PTPRD: variants seen among roughly 807,000 people sequenced by gnomAD.
The protein encoded by PTPRD is receptor-type tyrosine-protein phosphatase delta.
In PTPRD, 34 loss-of-function variants were observed where a neutral mutation model predicts 214.5. The observed-to-expected ratio is 0.16, with a 90% CI of 0.12 to 0.21. PTPRD has a LOEUF of 0.21. Among genes scored for constraint, PTPRD ranks in the 10% least tolerant of loss-of-function variants. PTPRD has a pLI of 1.00. For synonymous variants in PTPRD, 1,128 were observed against 845.7 expected, an observed-to-expected ratio of 1.33 and a Z score of -5.79; for missense variants, 2,545 against 2,398.7, an observed-to-expected ratio of 1.06 and a Z score of -1.27.
At chr9:9,694,525 T>C (rs1247237426) in intron 7 of PTPRD, among the ~76,000 whole-genome samples, 7 of 152,066 alleles carry the variant, frequency 4.6e-5, no homozygotes, top group Non-Finnish European at 8.8e-5. Flanking sequence ...AGCAGAGTAC[T>C]GGGCCTTGTC....
chr9:9,646,174 T>C (rs2096157204), intron 7 of PTPRD, among the ~76,000 whole-genome samples: 1 of 152,220 alleles, frequency 6.6e-6, no homozygotes, highest in Admixed American at 6.5e-5. Flanking sequence ...GTTTGTTTTT[T>C]GAGGGTCTGT....
At chr9:9,166,361 C>T (rs1302203924) in intron 10 of PTPRD, among the ~76,000 whole-genome samples, 1 of 152,058 alleles carries the variant, frequency 6.6e-6, no homozygotes, top group Admixed American at 6.6e-5. Flanking sequence ...GGAGAAACTC[C>T]TTCCACTCCA....
At chr9:8,449,574 T>C (rs937596690) in intron 34 of PTPRD, 151 bp downstream of exon 34, 2 of 663,654 alleles carry the variant, frequency 3.0e-6, no homozygotes, top group African/African-American at 3.7e-5. Context: ...TTTCAGACTT[T>C]TGCTTGGGCA....
intron 2 of PTPRD, among the ~76,000 whole-genome samples, chr9:10,476,578 G>C (rs1408643507): frequency 6.6e-6 from 1 of 152,074 alleles, no homozygotes; most frequent in Non-Finnish European, 1.5e-5. Flanking sequence ...GTAATTTATA[G>C]ATTCTATGCT....
At chr9:8,940,982 C>G (rs149557761) in intron 11 of PTPRD, among the ~76,000 whole-genome samples, 1 of 152,054 alleles carries the variant, frequency 6.6e-6, no homozygotes, top group African/African-American at 2.4e-5. Context: ...TGCTTATAGA[C>G]TAAAGGCATG....
chr9:9,738,129 C>A lies in PTPRD; in HGVS notation c.-325-3558G>T, dbSNP rs571980423. ...AGGTGGGGGGATGGGGGAGGGATAG[C>A]ATTAGGAGATATACCTAATGTTAAA... On this transcript the variant is annotated intron_variant, in intron 6 of 45. Coordinates refer to ENST00000381196, the MANE Select transcript of PTPRD (RefSeq NM_002839.4). Among the ~76,000 whole-genome samples, 419 of 152,174 alleles carry A rather than the reference C, an allele frequency of 2.8e-3. 2 individuals are homozygous for A. Among genetic ancestry groups the A allele is most frequent in the African/African-American group, 9.4e-3 (391 of 41,508 alleles).
At chr9:9,959,036 C>G (rs575917078) in intron 4 of PTPRD, among the ~76,000 whole-genome samples, 1 of 152,234 alleles carries the variant, frequency 6.6e-6, no homozygotes, top group East Asian at 1.9e-4. Flanking sequence ...ATGTTCACAC[C>G]AAAACCTTCC....
intron 4 of PTPRD, among the ~76,000 whole-genome samples, chr9:10,003,967 C>T (rs1348882608): frequency 6.6e-6 from 1 of 151,560 alleles, no homozygotes; most frequent in East Asian, 1.9e-4. Context: ...AAGCTCTCTA[C>T]AAATAAGAGG....
chr9:10,468,365 C>G (rs1310720269), intron 2 of PTPRD, among the ~76,000 whole-genome samples: 4 of 152,092 alleles, frequency 2.6e-5, no homozygotes, highest in Non-Finnish European at 5.9e-5. Context: ...ACAGATCAAG[C>G]TGGAAACCAT....
chr9:8,525,098 G>C (rs760182926), intron 17 of PTPRD, 63 bp from the exon 18 acceptor site: 2 of 1,369,356 alleles, frequency 1.5e-6, no homozygotes, highest in Non-Finnish European at 2.1e-6. Context: ...AGTTCAGAAA[G>C]CTAAACCTCT....
At chr9:9,408,959 T>C (rs977670661) in intron 8 of PTPRD, among the ~76,000 whole-genome samples, 3 of 151,878 alleles carry the variant, frequency 2.0e-5, no homozygotes, top group African/African-American at 7.2e-5. Context: ...TTGCAAAATA[T>C]ATTAAGGCCT....
intron 8 of PTPRD, among the ~76,000 whole-genome samples, chr9:9,537,120 A>G (rs2076687077): frequency 6.6e-6 from 1 of 151,972 alleles, no homozygotes; most frequent in South Asian, 2.1e-4. Flanking sequence ...GACATGATGC[A>G]TCAATAACTG....
intron 3 of PTPRD, among the ~76,000 whole-genome samples, chr9:10,325,499 T>C (rs1597155136): frequency 6.6e-6 from 1 of 151,942 alleles, no homozygotes; most frequent in East Asian, 1.9e-4. Flanking sequence ...GTTTACTCTC[T>C]TAATTACAAG....
intron 11 of PTPRD, among the ~76,000 whole-genome samples, chr9:8,970,512 G>C (rs1243392704): frequency 6.6e-6 from 1 of 151,670 alleles, no homozygotes; most frequent in Non-Finnish European, 1.5e-5. Flanking sequence ...ATTTTTAAAA[G>C]TGATAATCAA....
intron 5 of PTPRD, among the ~76,000 whole-genome samples, chr9:9,811,435 C>T (rs1021108554): frequency 6.6e-6 from 1 of 152,038 alleles, no homozygotes; most frequent in Non-Finnish European, 1.5e-5. Context: ...GGGCCAGGCG[C>T]GGTGGCTCAG....
chr9:9,561,265 C>T (rs528563149), intron 8 of PTPRD, among the ~76,000 whole-genome samples: 140 of 152,242 alleles, frequency 9.2e-4, no homozygotes, highest in African/African-American at 3.0e-3. Flanking sequence ...CCTTACACCA[C>T]GTTTCCAGAT....
intron 14 of PTPRD, among the ~76,000 whole-genome samples, chr9:8,576,788 C>T (rs1442408002): frequency 6.6e-6 from 1 of 152,152 alleles, no homozygotes; most frequent in Admixed American, 6.5e-5. Flanking sequence ...CAATCCTAAT[C>T]TCAGTGTATG....
chr9:9,753,277 A>C (rs865787316), intron 6 of PTPRD, among the ~76,000 whole-genome samples: 1 of 151,970 alleles, frequency 6.6e-6, no homozygotes, highest in Admixed American at 6.6e-5. Context: ...CCAGAACCAA[A>C]ACGTTTCAAA....
intron 3 of PTPRD, among the ~76,000 whole-genome samples, chr9:10,078,277 C>G (rs1351544315): frequency 6.7e-6 from 1 of 150,162 alleles, no homozygotes; most frequent in African/African-American, 2.5e-5. Flanking sequence ...CTTTGGGAGG[C>G]TGAGGTGGGC....
Sources: allele counts gnomAD v4.1 joint callset (sites outside exome capture counted in the v4.1 genomes callset), GRCh38; gene constraint gnomAD v4.1.1; transcripts MANE v1.5; gene names NCBI Gene and HGNC (gene_info 2026-07-23, HGNC 2026-07-21).